PODXL2: variants seen among roughly 807,000 people sequenced by gnomAD.
PODXL2 encodes podocalyxin like 2.
In PODXL2, 17 loss-of-function variants were observed where a neutral mutation model predicts 53.4. That is an observed-to-expected ratio of 0.32 (90% CI 0.22 to 0.48). PODXL2 has a LOEUF of 0.48. Among genes scored for constraint, PODXL2 ranks in the 20% least tolerant of loss-of-function variants. The pLI, the probability that PODXL2 is intolerant of heterozygous loss-of-function variation, is 0.99. For missense variants in PODXL2, 673 were observed against 760.0 expected (o/e 0.89, Z 1.35); for synonymous variants, 311 against 306.7 (o/e 1.01, Z -0.15).
chr3:127,663,083 T>C (rs1308871459), intron 4 of PODXL2, among the ~76,000 whole-genome samples: 1 of 152,226 alleles, frequency 6.6e-6, no homozygotes, highest in Non-Finnish European at 1.5e-5. Context: ...CCCTCTGTTT[T>C]ATCTTTTTTA....
At chr3:127,640,560 A>G (rs1206270244) in intron 2 of PODXL2, among the ~76,000 whole-genome samples, 1 of 151,978 alleles carries the variant, frequency 6.6e-6, no homozygotes, top group Non-Finnish European at 1.5e-5. Context: ...AATTAGCTGG[A>G]CATGATTGCG....
At chr3:127,644,502 G>C (rs137932134) in intron 2 of PODXL2, among the ~76,000 whole-genome samples, 1 of 152,168 alleles carries the variant, frequency 6.6e-6, no homozygotes, top group African/African-American at 2.4e-5. Flanking sequence ...CGTCTAGTGT[G>C]AGGTAAGCAG....
At chr3:127,671,648 TGAGAG>T (rs758653344) in intron 7 of PODXL2, 35 bp downstream of exon 7, 10 of 1,597,460 alleles carry the variant, frequency 6.3e-6, no homozygotes, top group African/African-American at 4.0e-5. Context: ...GGGGGCCAGT[TGAGAG>T]GAGAGTGCCC....
Position 127,660,891 on chromosome 3 carries a change from A to T in PODXL2, c.863A>T (p.Glu288Val), listed in dbSNP as rs1176619468. The T allele has an allele frequency of 8.1e-6, 13 of 1,614,234 alleles. No individual in the cohort carries two copies. The highest frequency in any genetic ancestry group is 1.1e-5 in the Non-Finnish European group (13 of 1,180,046). The change falls in exon 3 of 8, where the codon GAA (glutamate) becomes GTA (valine). Residue 288 changes from glutamate (E) to valine (V), a missense_variant. Physicochemically the swap from Glu to Val is moderately radical, Grantham distance 121. Around this residue, in one of 3 missense-constraint regions of PODXL2, gnomAD observed 588 missense variants for 668.3 expected, o/e 0.88. Coordinates refer to ENST00000342480, the MANE Select transcript of PODXL2 (RefSeq NM_015720.4). ...EFEAPQEASEEATAGAAGLSG... is the reference protein window; with the variant it reads ...EFEAPQEASEVATAGAAGLSG... ...GAGGCTCCTCAGGAAGCAAGCGAGG[A>T]AGCCACTGCAGGAGCAGCTGGTTTG... is the stretch of plus-strand genomic sequence containing the variant.
At chr3:127,641,641 G>A (rs1487889740) in intron 2 of PODXL2, among the ~76,000 whole-genome samples, 2 of 151,766 alleles carry the variant, frequency 1.3e-5, no homozygotes, top group African/African-American at 4.8e-5. Flanking sequence ...AGCCTCCTGA[G>A]TAGCTGGGAT....
At chr3:127,662,876 T>C (rs938688437) in intron 4 of PODXL2, among the ~76,000 whole-genome samples, 4 of 152,222 alleles carry the variant, frequency 2.6e-5, no homozygotes, top group Admixed American at 2.0e-4. Context: ...AAAAGGGAAC[T>C]TCTGTTCTGT....
chr3:127,667,210 G>A (rs979463006), intron 4 of PODXL2, among the ~76,000 whole-genome samples: 2 of 152,254 alleles, frequency 1.3e-5, no homozygotes, highest in African/African-American at 4.8e-5. Flanking sequence ...AAAGAACAGA[G>A]GCCCAGCATT....
chr3:127,644,627 A>C (rs2074642189), intron 2 of PODXL2, among the ~76,000 whole-genome samples: 1 of 152,000 alleles, frequency 6.6e-6, no homozygotes, highest in African/African-American at 2.4e-5. Flanking sequence ...TTTTTCTTTC[A>C]GTTCATGTCT....
intron 2 of PODXL2, among the ~76,000 whole-genome samples, chr3:127,642,020 C>CA (rs2074624062): frequency 6.6e-6 from 1 of 152,016 alleles, no homozygotes; most frequent in Non-Finnish European, 1.5e-5. Flanking sequence ...GGGCCGGGCA[C>CA]GTGGCTCACG....
At chr3:127,652,103 A>T (rs1354329712) in intron 2 of PODXL2, among the ~76,000 whole-genome samples, 1 of 152,246 alleles carries the variant, frequency 6.6e-6, no homozygotes, top group Admixed American at 6.5e-5. Flanking sequence ...AGGATGTGTC[A>T]AAAGACACTG....
intron 2 of PODXL2, among the ~76,000 whole-genome samples, chr3:127,655,466 C>A (rs1371687943): frequency 2.6e-5 from 4 of 152,060 alleles, no homozygotes; most frequent in African/African-American, 9.7e-5. Context: ...GGAGGACCCC[C>A]CACAGTTAAC....
chr3:127,630,375 C>T (rs997975433), intron 1 of PODXL2, among the ~76,000 whole-genome samples: 1 of 152,242 alleles, frequency 6.6e-6, no homozygotes, highest in Non-Finnish European at 1.5e-5. Context: ...AACTTCACTT[C>T]TGATGCACAC....
chr3:127,646,207 G>A (rs1302419996), intron 2 of PODXL2, among the ~76,000 whole-genome samples: 2 of 152,130 alleles, frequency 1.3e-5, no homozygotes, highest in Non-Finnish European at 2.9e-5. Context: ...AAGCAAACCT[G>A]AGGCTTAGGG....
At chr3:127,635,022 C>T (rs1029995440) in intron 1 of PODXL2, among the ~76,000 whole-genome samples, 7 of 152,180 alleles carry the variant, frequency 4.6e-5, no homozygotes, top group African/African-American at 1.7e-4. Flanking sequence ...GTTTCTGTAT[C>T]GTCTCTGCTG....
At chr3:127,670,712 C>G (rs1455296978) in intron 6 of PODXL2, among the ~76,000 whole-genome samples, 1 of 152,164 alleles carries the variant, frequency 6.6e-6, no homozygotes, top group Non-Finnish European at 1.5e-5. Flanking sequence ...CCTGATCCCT[C>G]ACCTGAGGAG....
intron 1 of PODXL2, among the ~76,000 whole-genome samples, chr3:127,637,129 C>T (rs1358203851): frequency 1.3e-5 from 2 of 152,020 alleles, no homozygotes; most frequent in African/African-American, 2.4e-5. Flanking sequence ...CAGCCCCATC[C>T]TCTAGTTATG....
rs1354091216 is a variant in PODXL2, at chr3:127,660,776, C to G, written c.748C>G (p.Pro250Ala). 1.9e-6 allele frequency: 3 copies of G among 1,613,972 alleles called. No homozygotes were observed. In the Admixed American group the frequency reaches 5.0e-5, roughly 27 times the overall value. Residue 250 changes from proline to alanine, a missense_variant, in exon 3 of 8, where the codon CCA becomes GCA. By Grantham distance (27) the Pro-to-Ala change is conservative (BLOSUM62 -1). Around this residue, in one of 3 missense-constraint regions of PODXL2, gnomAD observed 588 missense variants for 668.3 expected, o/e 0.88. Transcript: ENST00000342480. ...CAGCTTGCTGCTGCCTTCAGTCACC[C>G]CAACTACAGTGACTCCGGGGGACCA... ...GPSLLLPSVTPTTVTPGDQDS... is the reference protein window; with the variant it reads ...GPSLLLPSVTATTVTPGDQDS...
intron 2 of PODXL2, 112 bp from the exon 3 acceptor site, chr3:127,660,266 G>A (rs1576433306): frequency 7.2e-7 from 1 of 1,386,086 alleles, no homozygotes; most frequent in Admixed American, 2.2e-5. Context: ...ATGACCTGAT[G>A]ACCCCTGCCC....
intron 4 of PODXL2, among the ~76,000 whole-genome samples, chr3:127,663,621 C>G (rs1037307422): frequency 2.0e-5 from 3 of 152,206 alleles, no homozygotes; most frequent in African/African-American, 7.2e-5. Context: ...ATGCTCAATA[C>G]CTCATCTTTG....
Sources: gnomAD v4.1 joint callset for allele counts (sites outside exome capture counted in the v4.1 genomes callset) on GRCh38, gnomAD v4.1.1 for gene constraint, gnomAD v4.1.1 regional missense constraint, MANE v1.5 for transcripts, NCBI Gene and HGNC (gene_info 2026-07-23, HGNC 2026-07-21) for gene names.